Variants in BLTP1 observed in about 807,000 individuals in gnomAD.
BLTP1 encodes the protein fragile site-associated protein.
the BLTP1 span, chr4:122,189,395 C>T: frequency 2.2e-5 from 22 of 983,536 alleles, no homozygotes; most frequent in South Asian, 5.6e-4. Context: ...GGTAGAAAAA[C>T]GTTCATTCCA....
At chr4:122,254,167 T>A in the BLTP1 span, 3 of 1,607,494 alleles carry the variant, frequency 1.9e-6, no homozygotes, top group South Asian at 3.3e-5. Context: ...TGTATGTTAA[T>A]AAGTTTTTGG....
chr4:122,189,083 G>T, the BLTP1 span: 1 of 982,160 alleles, frequency 1.0e-6, no homozygotes, highest in East Asian at 1.1e-4. Flanking sequence ...AATAAATCAG[G>T]ATTTTTTTGA....
chr4:122,286,720 A>G, the BLTP1 span: 1 of 1,614,024 alleles, frequency 6.2e-7, no homozygotes, highest in East Asian at 2.2e-5. Context: ...GGTGTGGAGT[A>G]TAGATGAACT....
At chr4:122,241,601 A>G in the BLTP1 span, among the ~76,000 whole-genome samples, 1 of 152,232 alleles carries the variant, frequency 6.6e-6, no homozygotes, top group African/African-American at 2.4e-5. Flanking sequence ...GGAGTTGAAT[A>G]TTCTCATAGA....
the BLTP1 span, chr4:122,220,195 T>C: frequency 1.1e-6 from 1 of 949,350 alleles, no homozygotes; most frequent in Non-Finnish European, 1.5e-6. Flanking sequence ...AGAATAGTTA[T>C]TTTTCTCAGT....
At chr4:122,229,387 C>T in the BLTP1 span, 1 of 561,784 alleles carries the variant, frequency 1.8e-6, no homozygotes. Context: ...TTTACTAATC[C>T]ATGTTCTCTT....
the BLTP1 span, chr4:122,234,989 G>C: frequency 6.2e-7 from 1 of 1,604,772 alleles, no homozygotes; most frequent in Admixed American, 1.7e-5. Flanking sequence ...CTGGAGAATG[G>C]ATAATTACTA....
chr4:122,334,510 C>G, the BLTP1 span: 1 of 1,612,718 alleles, frequency 6.2e-7, no homozygotes, highest in Non-Finnish European at 8.5e-7. Flanking sequence ...AAGACTAACA[C>G]CTTACTTCCT....
At chr4:122,181,965 A>G in the BLTP1 span, among the ~76,000 whole-genome samples, 2 of 152,142 alleles carry the variant, frequency 1.3e-5, no homozygotes, top group African/African-American at 4.8e-5. Context: ...ACATCTACCA[A>G]CCTCTAACAT....
At chr4:122,274,682 A>C in the BLTP1 span, 1 of 961,414 alleles carries the variant, frequency 1.0e-6, no homozygotes, top group Non-Finnish European at 1.2e-6. Context: ...GTTAACTACA[A>C]AACAGCCTTT....
the BLTP1 span, among the ~76,000 whole-genome samples, chr4:122,270,010 T>C: frequency 6.6e-6 from 1 of 152,118 alleles, no homozygotes; most frequent in Non-Finnish European, 1.5e-5. Flanking sequence ...TAGATTCTTG[T>C]TTTTGCAATT....
the BLTP1 span, chr4:122,179,888 C>G: frequency 1.0e-6 from 1 of 985,284 alleles, no homozygotes; most frequent in Non-Finnish European, 1.2e-6. Context: ...CCCTGCCCCC[C>G]ACATACAGAC....
the BLTP1 span, among the ~76,000 whole-genome samples, chr4:122,213,504 T>C: frequency 6.6e-6 from 1 of 152,078 alleles, no homozygotes; most frequent in Non-Finnish European, 1.5e-5. Context: ...AAAAATAAAA[T>C]GGGAATTTAA....
At chr4:122,328,321 A>G in the BLTP1 span, 4 of 1,610,412 alleles carry the variant, frequency 2.5e-6, no homozygotes, top group South Asian at 1.1e-5. Context: ...GATGAAGACC[A>G]TGAGAGGGAA....
chr4:122,174,541 A>T, the BLTP1 span: 6 of 1,601,150 alleles, frequency 3.7e-6, no homozygotes, highest in Non-Finnish European at 5.1e-6. Context: ...TAAAACAGTT[A>T]CATTAACTGC....
the BLTP1 span, chr4:122,208,828 G>A: frequency 3.3e-6 from 1 of 306,520 alleles, no homozygotes; most frequent in Non-Finnish European, 4.8e-6. Flanking sequence ...GGTTGCTTGA[G>A]GTCAGGAGTT....
chr4:122,244,941 G>A, the BLTP1 span: 8 of 1,513,594 alleles, frequency 5.3e-6, no homozygotes, highest in East Asian at 2.3e-5. Flanking sequence ...ATGGTGCTAC[G>A]TTTCATGATA....
chr4:122,227,769 A>G, the BLTP1 span: 1 of 152,188 alleles, frequency 6.6e-6, no homozygotes, highest in African/African-American at 2.4e-5. Flanking sequence ...TTCTTATTAT[A>G]AACACATTTC....
the BLTP1 span, chr4:122,300,920 A>C: frequency 2.6e-5 from 11 of 429,106 alleles, no homozygotes; most frequent in Non-Finnish European, 3.2e-5. Context: ...TGCCCAGGCA[A>C]AAAAAAAAAA....
Sources: gnomAD v4.1 joint callset for allele counts (sites outside exome capture counted in the v4.1 genomes callset) on GRCh38, gnomAD v4.1.1 for gene constraint, MANE v1.5 for transcripts, NCBI Gene and HGNC (gene_info 2026-07-23, HGNC 2026-07-21) for gene names.